NRG1: variants seen among roughly 807,000 people sequenced by gnomAD.
The protein encoded by NRG1 is neuregulin 1.
NRG1 carries 18 observed loss-of-function variants against 63.8 expected under a neutral mutation model. That is an observed-to-expected ratio of 0.28 (90% CI 0.19 to 0.42). The LOEUF is 0.42. NRG1 is among the 10% of genes least tolerant of loss of function. The pLI, the probability that NRG1 is intolerant of heterozygous loss-of-function variation, is 1.00. For missense variants in NRG1, 762 were observed against 814.7 expected, an observed-to-expected ratio of 0.94 and a Z score of 0.79; for synonymous variants, 302 against 301.3, an observed-to-expected ratio of 1.00 and a Z score of -0.02.
intron 1 of NRG1, among the ~76,000 whole-genome samples, chr8:32,351,815 G>T (rs117516688): frequency 0.071 from 10,749 of 152,230 alleles, 481 homozygotes; most frequent in Middle Eastern, 0.13. Flanking sequence ...AGTGAACTTG[G>T]TATATGCAGT....
At chr8:32,144,054 C>A (rs192387121) in intron 1 of NRG1, among the ~76,000 whole-genome samples, 120 of 152,304 alleles carry the variant, frequency 7.9e-4, no homozygotes, top group African/African-American at 2.8e-3. Context: ...AATGATGAGT[C>A]CAGTTGGAGC....
At chr8:32,332,305 C>A (rs1405926335) in intron 1 of NRG1, among the ~76,000 whole-genome samples, 1 of 152,136 alleles carries the variant, frequency 6.6e-6, no homozygotes, top group Non-Finnish European at 1.5e-5. Context: ...CTCCTCCTTT[C>A]TTCCTAAGAC....
intron 1 of NRG1, among the ~76,000 whole-genome samples, chr8:31,801,487 T>G (rs1411250959): frequency 6.6e-6 from 1 of 152,178 alleles, no homozygotes; most frequent in African/African-American, 2.4e-5. Flanking sequence ...CATAATCCAT[T>G]TTTAAGAAGC....
chr8:32,330,890 T>C (rs1472039293), intron 1 of NRG1, among the ~76,000 whole-genome samples: 1 of 152,196 alleles, frequency 6.6e-6, no homozygotes, highest in South Asian at 2.1e-4. Flanking sequence ...TGGCTACCCA[T>C]GACATTTATT....
intron 5 of NRG1, among the ~76,000 whole-genome samples, chr8:32,664,274 T>C (rs1803583695): frequency 6.6e-6 from 1 of 150,598 alleles, no homozygotes; most frequent in Non-Finnish European, 1.5e-5. Context: ...ATGAGATGTA[T>C]GAAGAAAAAA....
intron 1 of NRG1, among the ~76,000 whole-genome samples, chr8:31,751,430 G>A (rs1816450869): frequency 6.6e-6 from 1 of 151,900 alleles, no homozygotes; most frequent in African/African-American, 2.4e-5. Flanking sequence ...ATCTTCAGTG[G>A]GATGGAGCTT....
At chr8:31,777,770 G>A (rs1398944969) in intron 1 of NRG1, among the ~76,000 whole-genome samples, 1 of 152,106 alleles carries the variant, frequency 6.6e-6, no homozygotes, top group Non-Finnish European at 1.5e-5. Context: ...ACAGAGCGGG[G>A]GAGATGCCAG....
intron 5 of NRG1, among the ~76,000 whole-genome samples, chr8:32,664,302 A>G (rs1332620039): frequency 7.0e-6 from 1 of 143,434 alleles, no homozygotes; most frequent in Non-Finnish European, 1.5e-5. Context: ...GTTTGAGGTG[A>G]AAAAAAAAAA....
At chr8:31,864,836 T>C (rs997099529) in intron 1 of NRG1, among the ~76,000 whole-genome samples, 1 of 152,076 alleles carries the variant, frequency 6.6e-6, no homozygotes, top group Admixed American at 6.5e-5. Flanking sequence ...ACTGAGCAGA[T>C]AGGTGAGAGG....
chr8:32,503,615 A>AATGTAT (rs1291087129), intron 1 of NRG1, among the ~76,000 whole-genome samples: 2 of 152,174 alleles, frequency 1.3e-5, no homozygotes, highest in Non-Finnish European at 2.9e-5. Flanking sequence ...AGTAGAATAA[A>AATGTAT]ATGTATATTT....
intron 1 of NRG1, among the ~76,000 whole-genome samples, chr8:31,731,417 TACACACAC>T (rs139927733): frequency 2.0e-5 from 3 of 148,312 alleles, no homozygotes; most frequent in Non-Finnish European, 3.0e-5. Context: ...AATTATGTCA[TACACACAC>T]ACACACACAC....
At chr8:32,279,872 T>C (rs1435064551) in intron 1 of NRG1, among the ~76,000 whole-genome samples, 1 of 152,138 alleles carries the variant, frequency 6.6e-6, no homozygotes, top group African/African-American at 2.4e-5. Flanking sequence ...TAAGGAACTC[T>C]CCACTGGAAG....
intron 1 of NRG1, among the ~76,000 whole-genome samples, chr8:31,671,440 A>C (rs1331767799): frequency 6.6e-6 from 1 of 152,168 alleles, no homozygotes; most frequent in Non-Finnish European, 1.5e-5. Flanking sequence ...TGTAGCTGGC[A>C]AACTTATCAG....
At chr8:32,439,439 A>G (rs1192124074) in intron 1 of NRG1, among the ~76,000 whole-genome samples, 1 of 152,162 alleles carries the variant, frequency 6.6e-6, no homozygotes, top group East Asian at 1.9e-4. Context: ...CCTTTTGATG[A>G]AAAAGAAAGA....
chr8:31,834,307 G>GCACGCACACACACACACACACACA (rs373890145), intron 1 of NRG1, among the ~76,000 whole-genome samples: 376 of 119,494 alleles, frequency 3.1e-3, no homozygotes, highest in African/African-American at 0.013. Flanking sequence ...GCGCACGCGC[G>GCACGCACACACACACACACACACA]CACACACACA....
chr8:31,869,646 G>A (rs1173197706), intron 1 of NRG1, among the ~76,000 whole-genome samples: 2 of 152,178 alleles, frequency 1.3e-5, no homozygotes, highest in Non-Finnish European at 2.9e-5. Context: ...CTCTGTGTTA[G>A]ATGTGAACTT....
At chr8:31,661,911 T>G (rs1806031578) in intron 1 of NRG1, among the ~76,000 whole-genome samples, 1 of 152,194 alleles carries the variant, frequency 6.6e-6, no homozygotes, top group Admixed American at 6.5e-5. Flanking sequence ...GCCAATATGG[T>G]GCATATTCCC....
At chr8:32,077,804 A>G (rs1826825287) in intron 1 of NRG1, among the ~76,000 whole-genome samples, 1 of 152,090 alleles carries the variant, frequency 6.6e-6, no homozygotes, top group Admixed American at 6.6e-5. Flanking sequence ...TCTCTATGAG[A>G]AGGGTAGGCA....
chr8:32,766,787 C>T (rs1263465884), exon 12 of NRG1: 1 of 152,154 alleles, frequency 6.6e-6, no homozygotes, highest in Admixed American at 6.6e-5. Context: ...TTGGGACATC[C>T]TTTGCACCCT....
Sources: allele counts gnomAD v4.1 joint callset (sites outside exome capture counted in the v4.1 genomes callset), GRCh38; gene constraint gnomAD v4.1.1; transcripts MANE v1.5; gene names NCBI Gene and HGNC (gene_info 2026-07-23, HGNC 2026-07-21).